UVRAG: variants seen among roughly 807,000 people sequenced by gnomAD.
UVRAG encodes the protein UV radiation resistance associated, also known as UV radiation resistance-associated gene protein.
UVRAG carries 19 observed loss-of-function variants against 78.0 expected under a neutral mutation model. That is an observed-to-expected ratio of 0.24 (90% CI 0.17 to 0.36). UVRAG has a LOEUF of 0.36. Among genes scored for constraint, UVRAG ranks in the 10% least tolerant of loss-of-function variants. UVRAG has a pLI of 1.00. For missense variants in UVRAG, 740 were observed against 853.8 expected (o/e 0.87, Z 1.66); for synonymous variants, 323 against 324.6 (o/e 1.00, Z 0.05).
In UVRAG at chr11:76,055,088, C is replaced by T. The variant is rs143764080; in HGVS notation, c.1227-10622C>T. ...AAGCTGCCTACGATTAATCCTGTCACTCAGACTGGAGTGCAGTGGTGTGAT... is the reference window on the plus strand; with the variant it reads ...AAGCTGCCTACGATTAATCCTGTCATTCAGACTGGAGTGCAGTGGTGTGAT... On this transcript the variant is annotated intron_variant, in intron 12 of 14. Coordinates refer to ENST00000356136, the MANE Select transcript of UVRAG (RefSeq NM_003369.4). Among the ~76,000 whole-genome samples the T allele has an allele frequency of 3.5e-3, 526 of 152,316 alleles. 6 individuals carry two copies. Among genetic ancestry groups the T allele is most frequent in the African/African-American group, 1.0e-2 (414 of 41,572 alleles).
intron 5 of UVRAG, among the ~76,000 whole-genome samples, chr11:75,908,298 A>G (rs554367978): frequency 6.6e-6 from 1 of 152,294 alleles, no homozygotes; most frequent in African/African-American, 2.4e-5. Flanking sequence ...TGAATATACC[A>G]TGTTTTGTTT....
At chr11:76,019,557 C>G (rs1419479173) in intron 12 of UVRAG, among the ~76,000 whole-genome samples, 3 of 152,220 alleles carry the variant, frequency 2.0e-5, no homozygotes, top group African/African-American at 7.2e-5. Context: ...AGGGGGAACA[C>G]TAAGCTCAGT....
intron 6 of UVRAG, among the ~76,000 whole-genome samples, chr11:75,944,651 T>C (rs1387216725): frequency 6.6e-6 from 1 of 152,122 alleles, no homozygotes; most frequent in Non-Finnish European, 1.5e-5. Flanking sequence ...ATCTAAGCCT[T>C]TGAACAAAGA....
intron 1 of UVRAG, among the ~76,000 whole-genome samples, chr11:75,844,016 C>G (rs546348628): frequency 1.3e-5 from 2 of 151,436 alleles, no homozygotes; most frequent in Admixed American, 6.6e-5. Flanking sequence ...TTCGTTAGCC[C>G]TAATTGGATC....
At chr11:76,139,619 G>A (rs1952668653) in intron 14 of UVRAG, among the ~76,000 whole-genome samples, 1 of 152,108 alleles carries the variant, frequency 6.6e-6, no homozygotes, top group Non-Finnish European at 1.5e-5. Flanking sequence ...GACCCAATCT[G>A]TTCATATGGT....
intron 12 of UVRAG, among the ~76,000 whole-genome samples, chr11:76,062,747 C>G (rs1951117539): frequency 6.6e-6 from 1 of 152,198 alleles, no homozygotes; most frequent in African/African-American, 2.4e-5. Flanking sequence ...CAAGCCAAAT[C>G]AGTTTATTTT....
intron 12 of UVRAG, among the ~76,000 whole-genome samples, chr11:76,061,935 C>G (rs1384877512): frequency 6.6e-6 from 1 of 152,196 alleles, no homozygotes; most frequent in Admixed American, 6.5e-5. Context: ...TTGATTCCTC[C>G]TGTGTTAGTC....
chr11:75,827,309 C>G (rs1235026901), intron 1 of UVRAG, among the ~76,000 whole-genome samples: 1 of 151,416 alleles, frequency 6.6e-6, no homozygotes, highest in African/African-American at 2.4e-5. Context: ...TTCATATTAG[C>G]GTATGTTAAA....
intron 6 of UVRAG, among the ~76,000 whole-genome samples, chr11:75,948,174 A>G (rs1948618301): frequency 6.6e-6 from 1 of 152,158 alleles, no homozygotes; most frequent in Non-Finnish European, 1.5e-5. Flanking sequence ...AAAGAGCTCA[A>G]ATTTGCCTGT....
At chr11:76,095,655 G>T (rs1207701476) in intron 13 of UVRAG, among the ~76,000 whole-genome samples, 1 of 151,326 alleles carries the variant, frequency 6.6e-6, no homozygotes, top group Non-Finnish European at 1.5e-5. Context: ...ATCATTTGAG[G>T]CCAGGAGTTT....
intron 12 of UVRAG, among the ~76,000 whole-genome samples, chr11:76,053,017 A>AATAT (rs1336100351): frequency 6.7e-6 from 1 of 149,938 alleles, no homozygotes; most frequent in Admixed American, 6.7e-5. Flanking sequence ...ATATATAATA[A>AATAT]ATATATAGCC....
In UVRAG at chr11:75,823,780, T is replaced by A. The variant is rs554414327; in HGVS notation, c.117+8256T>A. On this transcript the variant is annotated intron_variant, in intron 1 of 14. Transcript: ENST00000356136. ...GGACCATCAGGCTTTATATTTTATT[T>A]CCTACAGCACTTGTGCCTAACACTG... is the stretch of plus-strand genomic sequence containing the variant. Among the ~76,000 whole-genome samples, 9 of 152,320 alleles carry A rather than the reference T, an allele frequency of 5.9e-5. No homozygotes were observed. In the South Asian group the frequency reaches 1.9e-3, roughly 32 times the overall value.
At position 75,911,968 on chromosome 11, in the gene UVRAG, T is replaced by C; in HGVS notation, c.522T>C (p.Ala174=). 1 of 1,610,502 alleles carries C rather than the reference T, an allele frequency of 6.2e-7. No homozygotes were observed. Among genetic ancestry groups the C allele is most frequent in the South Asian group, 1.1e-5 (1 of 90,876 alleles). ...ATGTCTTTCAGGGTTATTCAAATGC[T>C]CAGAAGACTATTCTTCTGCAGGTGG... The part of the protein sequence containing the change: ...APFEHKGYSN[A]QKTILLQVDQ... The change falls in exon 6 of 15, where the codon GCT becomes GCC. Residue 174 remains alanine (A), a synonymous_variant. Coordinates refer to ENST00000356136, the MANE Select transcript of UVRAG (RefSeq NM_003369.4).
At chr11:75,817,380 CTG>C (rs1425974328) in intron 1 of UVRAG, among the ~76,000 whole-genome samples, 1 of 152,124 alleles carries the variant, frequency 6.6e-6, no homozygotes, top group Non-Finnish European at 1.5e-5. Context: ...TGCAAACAAA[CTG>C]TTGATGGAAT....
intron 6 of UVRAG, among the ~76,000 whole-genome samples, chr11:75,945,475 C>T (rs979292205): frequency 2.0e-5 from 3 of 151,974 alleles, no homozygotes; most frequent in Non-Finnish European, 4.4e-5. Flanking sequence ...AGACCACAAC[C>T]CTTACCAAAT....
chr11:75,961,085 C>T (rs1292703054), intron 6 of UVRAG, among the ~76,000 whole-genome samples: 1 of 151,890 alleles, frequency 6.6e-6, no homozygotes, highest in Non-Finnish European at 1.5e-5. Flanking sequence ...AGTGGTGATA[C>T]TCTCTCGGTG....
intron 7 of UVRAG, among the ~76,000 whole-genome samples, chr11:75,962,764 C>A (rs1948933698): frequency 6.6e-6 from 1 of 152,048 alleles, no homozygotes; most frequent in Non-Finnish European, 1.5e-5. Flanking sequence ...ATTTTTAGAA[C>A]CCTTGGGGAA....
At chr11:75,985,662 C>T (rs1406692258) in intron 8 of UVRAG, among the ~76,000 whole-genome samples, 2 of 152,060 alleles carry the variant, frequency 1.3e-5, no homozygotes, top group African/African-American at 4.8e-5. Flanking sequence ...TACTATTTTA[C>T]TTCTTACATT....
chr11:75,911,905 T>G, intron 5 of UVRAG, 49 bp from the exon 6 acceptor site: 1 of 1,185,422 alleles, frequency 8.4e-7, no homozygotes. Flanking sequence ...TTTGTGCATA[T>G]ATTTTATTTT....
Sources: allele counts gnomAD v4.1 joint callset (sites outside exome capture counted in the v4.1 genomes callset), GRCh38; gene constraint gnomAD v4.1.1; transcripts MANE v1.5; gene names NCBI Gene and HGNC (gene_info 2026-07-23, HGNC 2026-07-21).